EHBP1L1: variants seen among roughly 807,000 people sequenced by gnomAD.
EHBP1L1 encodes the protein EH domain-binding protein 1-like protein 1.
In EHBP1L1, 122 loss-of-function variants were observed where a neutral mutation model predicts 151.1. That is an observed-to-expected ratio of 0.81 (90% CI 0.70 to 0.94). The LOEUF is 0.94. EHBP1L1 is among the 40% of genes least tolerant of loss of function. EHBP1L1 has a pLI of 0.00. For synonymous variants in EHBP1L1, 878 were observed against 810.1 expected (o/e 1.08, Z -1.42); for missense variants, 1,941 against 1,959.8 (o/e 0.99, Z 0.18).
rs966440948 is a variant in EHBP1L1 at position 65,592,142 on chromosome 11, C to T, written c.4472+52C>T. 19 of 1,609,804 alleles carry T rather than the reference C, an allele frequency of 1.2e-5. No homozygotes were observed. The Admixed American group carries it at 2.8e-4, about 24-fold the overall frequency. The stretch of plus-strand genomic sequence containing the variant: ...GTTGGGAGGGTCCGGGACTTGCTCC[C>T]GCAGAGGGCTGCGTGTGGACCCCGC... On this transcript the variant is annotated intron_variant, in intron 18 of 18. Transcript: ENST00000309295.
Position 65,592,318 on chromosome 11 carries a change from T to C in EHBP1L1, c.*16T>C, listed in dbSNP as rs1210583157. 2 of 1,458,310 alleles carry C rather than the reference T, an allele frequency of 1.4e-6. No homozygotes were observed. The highest frequency in any genetic ancestry group is 2.7e-5 in the East Asian group (1 of 36,596). 90.3% of individuals were successfully genotyped at this position (1,458,310 alleles called of 1,614,324 possible). A position where few individuals can be genotyped will look rare whatever the true frequency, so the allele number is the denominator to read the frequency against. The stretch of plus-strand genomic sequence containing the variant: ...GCTGAGCTGAGGCCGCCGGCCCGGG[T>C]GGCCCATAACTTCTCGCGTCCCCGG... On this transcript the variant is annotated 3_prime_UTR_variant, in exon 19 of 19. Coordinates refer to ENST00000309295, the MANE Select transcript of EHBP1L1 (RefSeq NM_001099409.3).
Position 65,581,546 on chromosome 11 carries a change from A to G in EHBP1L1, c.874A>G (p.Arg292Gly). Residue 292 changes from arginine (R) to glycine (G), a missense_variant, in exon 9 of 19, where the codon AGG (arginine) becomes GGG (glycine). Arg to Gly is a moderately radical substitution (Grantham distance 125, BLOSUM62 -2). Coordinates refer to ENST00000309295, the MANE Select transcript of EHBP1L1 (RefSeq NM_001099409.3). ...PETSPEMRSS[R>G]QPAQDTAPTP... ...CTCCTGCTCTCTTCTCAGGTCTTCA[A>G]GGCAGCCAGCCCAGGACACGGCCCC... 1 of 1,495,246 alleles carries G rather than the reference A, an allele frequency of 6.7e-7. No homozygotes were observed. Among genetic ancestry groups the G allele is most frequent in the Non-Finnish European group, 8.9e-7 (1 of 1,124,566 alleles). 92.6% of individuals were successfully genotyped at this position (1,495,246 alleles called of 1,614,324 possible). A position where few individuals can be genotyped will look rare whatever the true frequency, so the allele number is the denominator to read the frequency against.
rs1368962892 is a variant in EHBP1L1, at chr11:65,592,214, A to G, written c.4484A>G (p.Glu1495Gly). The G allele has an allele frequency of 3.2e-6, 5 of 1,553,728 alleles. No individual in the cohort carries two copies. Among genetic ancestry groups the G allele is most frequent in the Non-Finnish European group, 4.3e-6 (5 of 1,155,854 alleles). The change falls in exon 19 of 19, where the codon GAG becomes GGG. Residue 1495 changes from glutamate (E) to glycine (G), a missense_variant. Transcript: ENST00000309295. ...CCCGTTCTCCCCAGCGCCCTGGAGG[A>G]GGACGAGCGCCTGGAGCGCGGCCTG... ...LDHKERIALE[E>G]DERLERGLEQ...
At position 65,585,326 on chromosome 11, in the gene EHBP1L1, C is replaced by G. The variant is rs1046643891; in HGVS notation, c.3668C>G (p.Ala1223Gly). 1 of 1,062,694 alleles carries G rather than the reference C, an allele frequency of 9.4e-7. No individual in the cohort carries two copies. Among genetic ancestry groups the G allele is most frequent in the African/African-American group, 1.7e-5 (1 of 57,290 alleles). 65.8% of individuals were successfully genotyped at this position (1,062,694 alleles called of 1,614,324 possible). A position where few individuals can be genotyped will look rare whatever the true frequency, so the allele number is the denominator to read the frequency against. Residue 1223 changes from alanine to glycine, a missense_variant, in exon 12 of 19, where the codon GCC becomes GGC. By Grantham distance (60) the Ala-to-Gly change is moderately conservative. Coordinates refer to ENST00000309295, the MANE Select transcript of EHBP1L1 (RefSeq NM_001099409.3). The surrounding 1 kb of genome is among the most constrained non-coding windows in gnomAD (Gnocchi z 4.0). ...VAGRASKDGG[A>G]EAPRESRPAE... The stretch of plus-strand genomic sequence containing the variant: ...GGCCGCGCCTCCAAGGACGGCGGGG[C>G]CGAGGCCCCCCGAGAGTCGCGACCC...
chr11:65,590,547 A>G lies in EHBP1L1; in HGVS notation c.4238A>G (p.Asn1413Ser). The G allele has an allele frequency of 1.2e-6, 2 of 1,613,716 alleles. No homozygotes were observed. Among genetic ancestry groups the G allele is most frequent in the Non-Finnish European group, 1.7e-6 (2 of 1,179,858 alleles). The stretch of plus-strand genomic sequence containing the variant: ...ATCCAGGAGTGGTTCACCCTGGTCA[A>G]CAAGAAGAACGCTCTCATCCGGAGG... ...VLIQEWFTLV[N>S]KKNALIRRQD... The change falls in exon 16 of 19, where the codon AAC becomes AGC. Residue 1413 changes from asparagine to serine, a missense_variant. Transcript: ENST00000309295.
chr11:65,581,038 C>T lies in EHBP1L1; in HGVS notation c.635-20C>T, dbSNP rs1314210573. On this transcript the variant is annotated intron_variant, in intron 6 of 18. Transcript: ENST00000309295. Reference sequence around the variant, plus strand: ...GCCCTGGGCTGACTCTGCCCTTCTCCCCTCTCCTACCATTCCCAGATCCCT... The same window carrying T: ...GCCCTGGGCTGACTCTGCCCTTCTCTCCTCTCCTACCATTCCCAGATCCCT... The T allele has an allele frequency of 6.3e-7, 1 of 1,589,868 alleles. No individual in the cohort carries two copies. Among genetic ancestry groups the T allele is most frequent in the Non-Finnish European group, 8.6e-7 (1 of 1,168,516 alleles).
rs2135326756 is a variant in EHBP1L1 at position 65,590,218 on chromosome 11, A to G, written c.4183+8A>G. The G allele has an allele frequency of 6.2e-7, 1 of 1,612,648 alleles. No homozygotes were observed. The highest frequency in any genetic ancestry group is 2.2e-5 in the East Asian group (1 of 44,850). On this transcript the variant is annotated splice_region_variant and intron_variant, in intron 15 of 18. Transcript: ENST00000309295. Reference sequence around the variant, plus strand: ...GGAGCCTCATGGAGTCAGGTGGGGCATACATCTAGGGATCCCTTCCCCAAC... The same window carrying G: ...GGAGCCTCATGGAGTCAGGTGGGGCGTACATCTAGGGATCCCTTCCCCAAC...
intron 1 of EHBP1L1, 63 bp downstream of exon 1, chr11:65,576,469 G>A: frequency 6.9e-7 from 1 of 1,447,270 alleles, no homozygotes; most frequent in South Asian, 1.3e-5. Flanking sequence ...GGCCCTTTGA[G>A]CCTGAGAGGA....
intron 9 of EHBP1L1, chr11:65,583,987 C>T (rs1857791449): frequency 7.1e-6 from 10 of 1,404,790 alleles, no homozygotes; most frequent in African/African-American, 2.9e-5. Flanking sequence ...AGCTGATTTT[C>T]TGGGCTGACT....
intron 12 of EHBP1L1, among the ~76,000 whole-genome samples, chr11:65,586,038 CCT>C (rs1177285255): frequency 1.3e-5 from 2 of 152,164 alleles, no homozygotes; most frequent in Admixed American, 6.5e-5. Context: ...CAGCAGCCAC[CCT>C]GCCCCATGAG....
chr11:65,584,939 C>A lies in EHBP1L1; in HGVS notation c.3301-20C>A. The A allele has an allele frequency of 4.6e-6, 7 of 1,532,440 alleles. No homozygotes were observed. Among genetic ancestry groups the A allele is most frequent in the Non-Finnish European group, 6.1e-6 (7 of 1,145,412 alleles). 94.9% of individuals were successfully genotyped at this position (1,532,440 alleles called of 1,614,324 possible). A position where few individuals can be genotyped will look rare whatever the true frequency, so the allele number is the denominator to read the frequency against. On this transcript the variant is annotated intron_variant, in intron 11 of 18. Coordinates refer to ENST00000309295, the MANE Select transcript of EHBP1L1 (RefSeq NM_001099409.3). ...CGCGGGCCACCGCCGCCGCTGACCC[C>A]GAGTGCACCCTTCCCCTAGGCCTTC...
chr11:65,589,958 A>C lies in EHBP1L1; in HGVS notation c.4026A>C (p.Glu1342Asp). The part of the protein sequence containing the change: ...QPPGGSSPSE[E>D]PPPSPGEEAG... ...CAGGTGGGAGTTCCCCCTCGGAGGA[A>C]CCACCCCCAAGCCCAGGGGAGGAGG... The change falls in exon 14 of 19, where the codon GAA becomes GAC. Residue 1342 changes from glutamate (E) to aspartate (D), a missense_variant. Transcript: ENST00000309295. 1 of 1,578,280 alleles carries C rather than the reference A, an allele frequency of 6.3e-7. No homozygotes were observed.
chr11:65,583,414 C>G lies in EHBP1L1; in HGVS notation c.2742C>G (p.Ser914=), dbSNP rs1857748157. The G allele has an allele frequency of 6.2e-7, 1 of 1,613,182 alleles. No individual in the cohort carries two copies. Among genetic ancestry groups the G allele is most frequent in the Non-Finnish European group, 8.5e-7 (1 of 1,179,704 alleles). ...APVTQPRVLG[S]QEAKAEISGV... The stretch of plus-strand genomic sequence containing the variant: ...TCACTCAGCCAAGAGTTTTAGGATC[C>G]CAGGAAGCAAAAGCAGAGATTTCAG... The change falls in exon 9 of 19, where the codon TCC becomes TCG. Residue 914 remains serine (S), a synonymous_variant. Transcript: ENST00000309295.
At position 65,581,870 on chromosome 11, in the gene EHBP1L1, G is replaced by A; in HGVS notation, c.1198G>A (p.Gly400Ser). 1 of 1,613,618 alleles carries A rather than the reference G, an allele frequency of 6.2e-7. No homozygotes were observed. The highest frequency in any genetic ancestry group is 1.1e-5 in the South Asian group (1 of 91,056). The change falls in exon 9 of 19, where the codon GGC becomes AGC. Residue 400 changes from glycine to serine, a missense_variant. Transcript: ENST00000309295. ...GGTGGACACTGAGCCAAGGTCAGGA[G>A]GCAGAGAGGCAAACACTAAGAGGTC... ...SGVDTEPRSGGREANTKRSGV... is the reference protein window; with the variant it reads ...SGVDTEPRSGSREANTKRSGV...
chr11:65,579,103 T>C lies in EHBP1L1; in HGVS notation c.130T>C (p.Trp44Arg). Residue 44 changes from tryptophan to arginine, a missense_variant, in exon 2 of 19, where the codon TGG (tryptophan) becomes CGG (arginine). By Grantham distance (101) the Trp-to-Arg change is moderately radical. Coordinates refer to ENST00000309295, the MANE Select transcript of EHBP1L1 (RefSeq NM_001099409.3). ...GCAGCCAGATAAGCTGGTGGTGGTA[T>C]GGACCCGTCGGAACCGACGCATCTG... ...KWQPDKLVVV[W>R]TRRNRRICSK... 6.3e-7 allele frequency: 1 copy of C among 1,593,982 alleles called. No homozygotes were observed. Among genetic ancestry groups the C allele is most frequent in the Non-Finnish European group, 8.5e-7 (1 of 1,170,572 alleles).
At chr11:65,584,729 T>C (rs1857840901) in intron 11 of EHBP1L1, 195 bp downstream of exon 11, 4 of 1,007,364 alleles carry the variant, frequency 4.0e-6, no homozygotes, top group African/African-American at 1.6e-5. Flanking sequence ...TTTCCTCCCT[T>C]AGATGGTTTT....
chr11:65,579,039 A>G lies in EHBP1L1; in HGVS notation c.105-39A>G, dbSNP rs531719814. 9.0e-6 allele frequency: 14 copies of G among 1,549,834 alleles called. No homozygotes were observed. The African/African-American group carries it at 1.8e-4, about 20-fold the overall frequency. On this transcript the variant is annotated intron_variant, in intron 1 of 18. Coordinates refer to ENST00000309295, the MANE Select transcript of EHBP1L1 (RefSeq NM_001099409.3). ...GGGAGGCAGGTGAGCCTGACCAAGC[A>G]GCCTGCTCCCTTTCTCCCTCCCCTT...
intron 1 of EHBP1L1, 101 bp from the exon 2 acceptor site, chr11:65,578,977 G>C: frequency 8.5e-7 from 1 of 1,181,116 alleles, no homozygotes; most frequent in Non-Finnish European, 1.2e-6. Flanking sequence ...GCAGAAGGAA[G>C]ACCCTGAGGG....
At chr11:65,591,612 A>G (rs1466479577) in intron 16 of EHBP1L1, 188 bp from the exon 17 acceptor site, 1 of 632,542 alleles carries the variant, frequency 1.6e-6, no homozygotes, top group Non-Finnish European at 2.9e-6. Flanking sequence ...CAGCAATTGG[A>G]GAAAACAGAA....
Sources: allele counts gnomAD v4.1 joint callset (sites outside exome capture counted in the v4.1 genomes callset), GRCh38; gene constraint gnomAD v4.1.1; non-coding constraint Gnocchi (gnomAD v3.1); transcripts MANE v1.5; gene names NCBI Gene and HGNC (gene_info 2026-07-23, HGNC 2026-07-21).